The following GYPE variants were observed in gnomAD, a reference collection of about 807,000 sequenced individuals.
The protein encoded by GYPE is glycophorin-E.
GYPE carries 8 observed loss-of-function variants against 11.6 expected under a neutral mutation model. The ratio of observed to expected loss-of-function variants is 0.69; its 90% CI spans 0.41 to 1.25. GYPE has a LOEUF of 1.25. Among genes scored for constraint, GYPE ranks in the 50% most tolerant of loss-of-function variants. The pLI is 0.01. For synonymous variants in GYPE, 28 were observed against 29.6 expected (o/e 0.94, Z 0.18); for missense variants, 90 against 92.8 (o/e 0.97, Z 0.12).
chr4:143,895,462 C>T (rs945764013), intron 1 of GYPE, among the ~76,000 whole-genome samples: 8 of 149,792 alleles, frequency 5.3e-5, no homozygotes, highest in Middle Eastern at 6.4e-3. Context: ...ATGTTAAGGA[C>T]CTCTTCAAGG....
Position 143,871,682 on chromosome 4 carries a change from TAGG to T in GYPE, c.*577_*579del. On this transcript the variant is annotated 3_prime_UTR_variant, in exon 4 of 4. Transcript: ENST00000358615. The stretch of plus-strand genomic sequence containing the variant: ...AAGCAGGAACAGGAAAGGGAAAATC[TAGG>T]AGAAAAGCTTACAAAGACTGTAAAT... 6.6e-6 allele frequency: 1 copy of T among 152,244 alleles called. No homozygotes were observed. The highest frequency in any genetic ancestry group is 1.9e-4 in the East Asian group (1 of 5,180). The allele number at this position is 152,244 out of a possible 1,614,324, so 9.4% of individuals were successfully genotyped here. A position where few individuals can be genotyped will look rare whatever the true frequency, so the allele number is the denominator to read the frequency against.
intron 1 of GYPE, among the ~76,000 whole-genome samples, chr4:143,895,510 T>C (rs1202309444): frequency 3.3e-5 from 5 of 149,494 alleles, no homozygotes; most frequent in East Asian, 2.0e-4. Flanking sequence ...TAAAAGAGGA[T>C]ACAAACAAAT....
At chr4:143,873,511 C>T (rs185408605) in intron 3 of GYPE, 87 of 454,504 alleles carry the variant, frequency 1.9e-4, no homozygotes, top group Non-Finnish European at 3.4e-4. Flanking sequence ...GGGTCAAGAA[C>T]AATCTATGAG....
At chr4:143,874,644 A>G (rs200024813) in intron 3 of GYPE, among the ~76,000 whole-genome samples, 2 of 152,184 alleles carry the variant, frequency 1.3e-5, no homozygotes, top group Non-Finnish European at 2.9e-5. Context: ...GACTCCAAGG[A>G]TAAGGCAGTC....
chr4:143,903,079 C>T (rs1744926880), intron 1 of GYPE, among the ~76,000 whole-genome samples: 1 of 152,096 alleles, frequency 6.6e-6, no homozygotes, highest in Non-Finnish European at 1.5e-5. Flanking sequence ...TCTCCTTGTT[C>T]CACGTTTAGC....
intron 1 of GYPE, among the ~76,000 whole-genome samples, chr4:143,896,901 G>T (rs1015754221): frequency 6.6e-6 from 1 of 151,676 alleles, no homozygotes; most frequent in Non-Finnish European, 1.5e-5. Context: ...GCAAACTATC[G>T]CAAGGACAAA....
chr4:143,872,581 T>C (rs1015848731), intron 3 of GYPE, among the ~76,000 whole-genome samples: 12 of 151,926 alleles, frequency 7.9e-5, no homozygotes, highest in African/African-American at 2.9e-4. Flanking sequence ...CTGCTTTGCG[T>C]TGGGTAGGCA....
intron 1 of GYPE, among the ~76,000 whole-genome samples, chr4:143,891,091 G>A (rs1276423379): frequency 6.6e-6 from 1 of 151,952 alleles, no homozygotes; most frequent in Admixed American, 6.6e-5. Context: ...AACTTCTTAT[G>A]TAAAGGGAGA....
At chr4:143,878,880 A>T (rs1270867385) in intron 2 of GYPE, among the ~76,000 whole-genome samples, 2 of 152,190 alleles carry the variant, frequency 1.3e-5, no homozygotes, top group Non-Finnish European at 2.9e-5. Context: ...ACTTTTAATG[A>T]CCCAACAAGT....
chr4:143,893,743 A>G, intron 1 of GYPE, among the ~76,000 whole-genome samples: 1 of 151,582 alleles, frequency 6.6e-6, no homozygotes, highest in Non-Finnish European at 1.5e-5. Flanking sequence ...TGCCCTTAGC[A>G]TTTTTTCCTT....
chr4:143,890,867 C>T (rs7663237), intron 1 of GYPE, among the ~76,000 whole-genome samples: 140,395 of 151,336 alleles, frequency 0.93, 66,075 homozygotes, highest in East Asian at 1. Context: ...ACTTTAATCA[C>T]TTTCCAAGGA....
chr4:143,874,054 G>C (rs991112152), intron 3 of GYPE, among the ~76,000 whole-genome samples: 6 of 152,078 alleles, frequency 3.9e-5, no homozygotes, highest in African/African-American at 1.4e-4. Context: ...ATGTAACTCT[G>C]TTAGGGAGAT....
At chr4:143,876,896 A>G in intron 2 of GYPE, 41 bp from the exon 3 acceptor site, 1 of 1,108,844 alleles carries the variant, frequency 9.0e-7, no homozygotes, top group African/African-American at 1.5e-5. Context: ...TGAAAGTCTG[A>G]AATAAATGAC....
At chr4:143,879,437 T>G (rs373464540) in intron 2 of GYPE, among the ~76,000 whole-genome samples, 10 of 152,302 alleles carry the variant, frequency 6.6e-5, no homozygotes, top group South Asian at 2.1e-4. Context: ...ATTGGGGCTT[T>G]CCTTCTCTTT....
chr4:143,877,172 G>A (rs1560937601), intron 2 of GYPE, among the ~76,000 whole-genome samples: 1 of 152,154 alleles, frequency 6.6e-6, no homozygotes, highest in Non-Finnish European at 1.5e-5. Context: ...CTCAGTGGAC[G>A]TTCTCCTCAG....
intron 1 of GYPE, among the ~76,000 whole-genome samples, chr4:143,900,048 G>T (rs4405967): frequency 0.94 from 133,465 of 142,512 alleles, 63,257 homozygotes; most frequent in East Asian, 1. Flanking sequence ...ATAGTATATC[G>T]GATAAGACTC....
intron 2 of GYPE, among the ~76,000 whole-genome samples, chr4:143,879,076 A>G (rs1484426278): frequency 2.6e-5 from 4 of 152,158 alleles, no homozygotes; most frequent in African/African-American, 4.8e-5. Context: ...GCAAAGAGGG[A>G]TCATGCGGCC....
At chr4:143,883,916 T>A (rs1267747683) in intron 1 of GYPE, among the ~76,000 whole-genome samples, 1 of 152,106 alleles carries the variant, frequency 6.6e-6, no homozygotes, top group East Asian at 1.9e-4. Context: ...AATATACATA[T>A]TCCTCCAAGT....
At position 143,872,084 on chromosome 4, in the gene GYPE, G is replaced by A. The variant is rs1743638170; in HGVS notation, c.*178C>T. 2.0e-5 allele frequency: 3 copies of A among 152,462 alleles called. No homozygotes were observed. The highest frequency in any genetic ancestry group is 1.3e-4 in the Admixed American group (2 of 15,266). The allele number at this position is 152,462 out of a possible 1,614,324, so 9.4% of individuals were successfully genotyped here. On this transcript the variant is annotated 3_prime_UTR_variant, in exon 4 of 4. Coordinates refer to ENST00000358615, the MANE Select transcript of GYPE (RefSeq NM_198682.3). Reference sequence around the variant, plus strand: ...TCTGAAATTCTCTCTACGCCTTTGAGAGACTCAGCATTTAGTTTCTGACTC... The same window carrying A: ...TCTGAAATTCTCTCTACGCCTTTGAAAGACTCAGCATTTAGTTTCTGACTC...
Sources: gnomAD v4.1 joint callset for allele counts (sites outside exome capture counted in the v4.1 genomes callset) on GRCh38, gnomAD v4.1.1 for gene constraint, MANE v1.5 for transcripts, NCBI Gene and HGNC (gene_info 2026-07-23, HGNC 2026-07-21) for gene names.